Variants in CHST8 observed in about 807,000 individuals in gnomAD.
The protein encoded by CHST8 is GALNAC-4-ST1.
Under a neutral mutation model 15.0 loss-of-function variants are expected in CHST8, and 10 were observed. The observed-to-expected ratio is 0.67, with a 90% CI of 0.41 to 1.13. The LOEUF is 1.13. Among genes scored for constraint, CHST8 ranks in the 50% most tolerant of loss-of-function variants. The pLI, the probability that CHST8 is intolerant of heterozygous loss-of-function variation, is 0.00. For synonymous variants in CHST8, 259 were observed against 256.6 expected (o/e 1.01, Z -0.09); for missense variants, 634 against 608.2 (o/e 1.04, Z -0.45).
chr19:33,695,055 G>A (rs532771408), intron 3 of CHST8, among the ~76,000 whole-genome samples: 11 of 151,768 alleles, frequency 7.2e-5, no homozygotes, highest in African/African-American at 2.2e-4. Flanking sequence ...TCCTGGGCTC[G>A]AGTGATCCTC....
intron 3 of CHST8, among the ~76,000 whole-genome samples, chr19:33,695,821 C>CTTTCTTTCTTTCTTTCTTTTTTTTT (rs57718433): frequency 1.3e-5 from 1 of 76,232 alleles, no homozygotes; most frequent in East Asian, 4.0e-4. Context: ...TTCTTTCTTT[C>CTTTCTTTCTTTCTTTCTTTTTTTTT]TTTTTTTTTT....
At position 33,625,088 on chromosome 19, in the gene CHST8, C is replaced by CT. The variant is rs112353397; in HGVS notation, c.-164+2806dup. 4.3e-3 allele frequency among the ~76,000 whole-genome samples: 619 copies of CT among 144,392 alleles called. 2 individuals carry two copies. Among genetic ancestry groups the CT allele is most frequent in the African/African-American group, 9.8e-3 (389 of 39,584 alleles). 94.7% of individuals were successfully genotyped at this position (144,392 alleles called of 152,430 possible). On this transcript the variant is annotated intron_variant, in intron 1 of 4. Coordinates refer to ENST00000650847, the MANE Select transcript of CHST8 (RefSeq NM_001127895.2). ...AGGATTATGGCAGCTTTCTTTCTTT[C>CT]TTTTTTTTTTTTTTGAGATAAAGTT...
At chr19:33,643,914 T>G (rs991281042) in intron 1 of CHST8, among the ~76,000 whole-genome samples, 2 of 152,120 alleles carry the variant, frequency 1.3e-5, no homozygotes, top group African/African-American at 4.8e-5. Flanking sequence ...ATACATTGAC[T>G]CCTTTACTTT....
intron 3 of CHST8, among the ~76,000 whole-genome samples, chr19:33,736,952 C>G (rs1236581078): frequency 2.6e-5 from 4 of 152,142 alleles, no homozygotes; most frequent in Admixed American, 2.0e-4. Context: ...ATGGAAGCAA[C>G]CTCCGGTTAC....
At chr19:33,677,727 C>T (rs1363311971) in intron 2 of CHST8, among the ~76,000 whole-genome samples, 1 of 152,250 alleles carries the variant, frequency 6.6e-6, no homozygotes. Flanking sequence ...TGAGTGCTGT[C>T]TCCTCTGTGT....
intron 3 of CHST8, among the ~76,000 whole-genome samples, chr19:33,765,491 G>A (rs1434035115): frequency 1.3e-5 from 2 of 150,556 alleles, no homozygotes; most frequent in East Asian, 3.9e-4. Flanking sequence ...TGGTGCCACA[G>A]GGTTTAGACA....
At chr19:33,771,926 A>G (rs1234612654) in intron 4 of CHST8, 31 bp from the exon 5 acceptor site, 1 of 1,525,220 alleles carries the variant, frequency 6.6e-7, no homozygotes, top group African/African-American at 1.4e-5. Context: ...TGTCCTTTCC[A>G]CTCAGATAAC....
chr19:33,709,420 T>A (rs1339600228), intron 3 of CHST8, among the ~76,000 whole-genome samples: 4 of 151,980 alleles, frequency 2.6e-5, no homozygotes, highest in African/African-American at 4.8e-5. Flanking sequence ...GAAAAAAAAA[T>A]TTAACCATGA....
chr19:33,691,893 T>C (rs1973105296), intron 3 of CHST8, among the ~76,000 whole-genome samples: 1 of 152,220 alleles, frequency 6.6e-6, no homozygotes, highest in Non-Finnish European at 1.5e-5. Flanking sequence ...TGGCATGAAC[T>C]GTCCTGGGGA....
At chr19:33,652,372 CTTTTTT>C (rs971053736) in intron 1 of CHST8, among the ~76,000 whole-genome samples, 3 of 100,614 alleles carry the variant, frequency 3.0e-5, no homozygotes, top group African/African-American at 1.1e-4. Flanking sequence ...TTTTCTCTCT[CTTTTTT>C]TTTTTTTTTT....
chr19:33,759,908 C>T (rs1180538448), intron 3 of CHST8, among the ~76,000 whole-genome samples: 2 of 152,130 alleles, frequency 1.3e-5, no homozygotes, highest in African/African-American at 2.4e-5. Flanking sequence ...TTTCAGACCA[C>T]GGAAATCAGC....
In CHST8 at chr19:33,772,345, T is replaced by C. The variant is rs147002601; in HGVS notation, c.557T>C (p.Val186Ala). 48 of 1,606,720 alleles carry C rather than the reference T, an allele frequency of 3.0e-5. No homozygotes were observed. The African/African-American group carries it at 5.6e-4, about 19-fold the overall frequency. ...CCCCGCCACGTGTCCCGTATCTTCG[T>C]GGAGGACCGCCACCGCGTGCTCTAC... The part of the protein sequence containing the change: ...VTPRHVSRIF[V>A]EDRHRVLYCE... Residue 186 changes from valine (V) to alanine (A), a missense_variant, in exon 5 of 5, where the codon GTG becomes GCG. Physicochemically the swap from Val to Ala is moderately conservative, Grantham distance 64. Coordinates refer to ENST00000650847, the MANE Select transcript of CHST8 (RefSeq NM_001127895.2).
intron 3 of CHST8, among the ~76,000 whole-genome samples, chr19:33,712,835 A>G (rs1973584965): frequency 1.3e-5 from 2 of 152,258 alleles, no homozygotes; most frequent in African/African-American, 4.8e-5. Flanking sequence ...TCCCCTGCTC[A>G]GTGTCTGCCC....
At position 33,737,179 on chromosome 19, in the gene CHST8, A is replaced by G. The variant is rs532749526; in HGVS notation, c.131-34234A>G. ...ATTTAGCATGTAGTCAAAAATAACC[A>G]TAAAAATAATCAACCAGCAGCCCTA... On this transcript the variant is annotated intron_variant, in intron 3 of 4. Coordinates refer to ENST00000650847, the MANE Select transcript of CHST8 (RefSeq NM_001127895.2). Among the ~76,000 whole-genome samples the G allele has an allele frequency of 4.6e-5, 7 of 152,392 alleles. No individual in the cohort carries two copies. The East Asian group carries it at 9.6e-4, about 21-fold the overall frequency.
chr19:33,624,616 G>A (rs1972027374), intron 1 of CHST8, among the ~76,000 whole-genome samples: 1 of 152,214 alleles, frequency 6.6e-6, no homozygotes, highest in Admixed American at 6.5e-5. Flanking sequence ...GAGAAAGTGT[G>A]TCTGGTGGGC....
intron 2 of CHST8, among the ~76,000 whole-genome samples, chr19:33,686,314 A>G (rs545074198): frequency 3.8e-4 from 58 of 152,244 alleles, no homozygotes; most frequent in African/African-American, 1.4e-3. Context: ...CCTGGCTCCC[A>G]GGCACATGGG....
chr19:33,677,763 G>A (rs1383586288), intron 2 of CHST8, among the ~76,000 whole-genome samples: 2 of 152,222 alleles, frequency 1.3e-5, no homozygotes, highest in Non-Finnish European at 2.9e-5. Context: ...CCCTCTGTCA[G>A]ATAAAAGCCG....
Position 33,663,204 on chromosome 19 carries a change from T to C in CHST8, c.-163-4563T>C, listed in dbSNP as rs73589044. Among the ~76,000 whole-genome samples, 585 of 152,320 alleles carry C rather than the reference T, an allele frequency of 3.8e-3. 4 individuals are homozygous for C. The highest frequency in any genetic ancestry group is 0.013 in the African/African-American group (558 of 41,564). On this transcript the variant is annotated intron_variant, in intron 1 of 4. Transcript: ENST00000650847. ...TCTTCCTGGGAAGAACAGCTGGTTA[T>C]GGATGCTTCAGATGTTTGTGTGCAT...
intron 2 of CHST8, among the ~76,000 whole-genome samples, chr19:33,672,182 A>C (rs1323149660): frequency 6.8e-6 from 1 of 147,128 alleles, no homozygotes; most frequent in African/African-American, 2.5e-5. Context: ...CATTGAAAGT[A>C]TTTCTTTTCT....
Sources: allele counts gnomAD v4.1 joint callset (sites outside exome capture counted in the v4.1 genomes callset), GRCh38; gene constraint gnomAD v4.1.1; transcripts MANE v1.5; gene names NCBI Gene and HGNC (gene_info 2026-07-23, HGNC 2026-07-21).